The following GPC5 variants were observed in gnomAD, a reference collection of about 807,000 sequenced individuals.
GPC5 encodes glypican 5.
GPC5 carries 47 observed loss-of-function variants against 53.9 expected under a neutral mutation model. That is an observed-to-expected ratio of 0.87 (90% CI 0.69 to 1.11). The LOEUF is 1.11. Among genes scored for constraint, GPC5 ranks in the 50% most tolerant of loss-of-function variants. The pLI, the probability that GPC5 is intolerant of heterozygous loss-of-function variation, is 0.00. For synonymous variants in GPC5, 286 were observed against 263.3 expected, an observed-to-expected ratio of 1.09 and a Z score of -0.84; for missense variants, 748 against 713.1, an observed-to-expected ratio of 1.05 and a Z score of -0.56.
intron 7 of GPC5, among the ~76,000 whole-genome samples, chr13:92,264,193 A>G (rs1007146272): frequency 1.3e-5 from 2 of 152,182 alleles, no homozygotes; most frequent in Non-Finnish European, 2.9e-5. Flanking sequence ...AGTCTAAATT[A>G]TCAGGTCAGC....
At chr13:92,842,612 C>CA (rs1196970237) in intron 7 of GPC5, among the ~76,000 whole-genome samples, 5 of 148,572 alleles carry the variant, frequency 3.4e-5, no homozygotes, top group African/African-American at 1.2e-4. Flanking sequence ...ACTATAGACC[C>CA]AAAAAGAAAT....
chr13:91,869,999 G>A (rs12431259), intron 5 of GPC5, among the ~76,000 whole-genome samples: 7,968 of 152,206 alleles, frequency 0.052, 406 homozygotes, highest in East Asian at 0.22. Context: ...CATAAGGCTT[G>A]GGTGGAGACA....
chr13:92,348,745 T>C (rs1267708118), intron 7 of GPC5, among the ~76,000 whole-genome samples: 1 of 152,106 alleles, frequency 6.6e-6, no homozygotes, highest in African/African-American at 2.4e-5. Context: ...CACAATGGTA[T>C]AAAACTAGAA....
At chr13:92,214,134 T>A (rs998687684) in intron 7 of GPC5, among the ~76,000 whole-genome samples, 1 of 152,180 alleles carries the variant, frequency 6.6e-6, no homozygotes, top group African/African-American at 2.4e-5. Flanking sequence ...TTCCCAGCTG[T>A]TTTCTATCAT....
intron 2 of GPC5, among the ~76,000 whole-genome samples, chr13:91,561,781 G>A (rs764853348): frequency 2.6e-5 from 4 of 151,560 alleles, no homozygotes; most frequent in Non-Finnish European, 5.9e-5. Context: ...AATTAAATAT[G>A]CAATGTGGTC....
At chr13:91,511,921 A>C (rs183348594) in intron 2 of GPC5, among the ~76,000 whole-genome samples, 117 of 152,256 alleles carry the variant, frequency 7.7e-4, no homozygotes, top group African/African-American at 2.7e-3. Context: ...AAAAGAAACT[A>C]TATATAAAAG....
At chr13:91,691,090 T>A (rs895789349) in intron 2 of GPC5, among the ~76,000 whole-genome samples, 1 of 152,206 alleles carries the variant, frequency 6.6e-6, no homozygotes, top group African/African-American at 2.4e-5. Context: ...CCACAGAGAT[T>A]CAATTCCGTT....
intron 7 of GPC5, among the ~76,000 whole-genome samples, chr13:92,226,086 T>C (rs1034098877): frequency 1.3e-5 from 2 of 152,156 alleles, no homozygotes; most frequent in Non-Finnish European, 2.9e-5. Flanking sequence ...CTTAAGAGTG[T>C]GGCACTTCCC....
In GPC5 at chr13:91,685,926, T is replaced by A. The variant is rs564558316; in HGVS notation, c.326-7261T>A. On this transcript the variant is annotated intron_variant, in intron 2 of 7. Transcript: ENST00000377067. Reference sequence around the variant, plus strand: ...AAGAACCATGTTTTTGTGTATGAATTAACTAAAAAAAAAAAACAAAGAAAA... The same window carrying A: ...AAGAACCATGTTTTTGTGTATGAATAAACTAAAAAAAAAAAACAAAGAAAA... 1.4e-3 allele frequency among the ~76,000 whole-genome samples: 190 copies of A among 140,462 alleles called. 1 individual carries two copies. The highest frequency in any genetic ancestry group is 5.1e-3 in the African/African-American group (174 of 33,996). 92.1% of individuals were successfully genotyped at this position (140,462 alleles called of 152,430 possible).
chr13:92,503,733 C>CA (rs1251833961), intron 7 of GPC5, among the ~76,000 whole-genome samples: 1 of 151,786 alleles, frequency 6.6e-6, no homozygotes, highest in African/African-American at 2.4e-5. Flanking sequence ...GTCTGTATCA[C>CA]AAAAAATCCT....
At chr13:92,467,905 C>G (rs115784027) in intron 7 of GPC5, among the ~76,000 whole-genome samples, 2,232 of 152,128 alleles carry the variant, frequency 0.015, 48 homozygotes, top group African/African-American at 0.05. Flanking sequence ...GATGCACACA[C>G]AAGCTAGATT....
chr13:91,900,393 C>T (rs1245540885), intron 5 of GPC5, among the ~76,000 whole-genome samples: 1 of 152,052 alleles, frequency 6.6e-6, no homozygotes, highest in African/African-American at 2.4e-5. Flanking sequence ...GATTATCTAT[C>T]ATCATAAATC....
intron 2 of GPC5, among the ~76,000 whole-genome samples, chr13:91,628,813 G>C (rs2034080390): frequency 6.6e-6 from 1 of 152,152 alleles, no homozygotes; most frequent in Admixed American, 6.6e-5. Context: ...GTTCCATGGG[G>C]ATCTTGTTCT....
chr13:92,793,354 T>C (rs746483827), intron 7 of GPC5, among the ~76,000 whole-genome samples: 1 of 151,914 alleles, frequency 6.6e-6, no homozygotes, highest in African/African-American at 2.4e-5. Flanking sequence ...AAAGACAGAA[T>C]GTACTAGAAT....
chr13:91,985,218 C>T (rs1183686587), intron 6 of GPC5, among the ~76,000 whole-genome samples: 1 of 152,074 alleles, frequency 6.6e-6, no homozygotes, highest in Non-Finnish European at 1.5e-5. Context: ...CCAGTTTATT[C>T]TTGTAATATT....
chr13:91,705,141 T>C lies in GPC5; in HGVS notation c.1020+11260T>C, dbSNP rs531373247. Among the ~76,000 whole-genome samples, 7 of 152,282 alleles carry C rather than the reference T, an allele frequency of 4.6e-5. No homozygotes were observed. In the South Asian group the frequency reaches 6.2e-4, roughly 14 times the overall value. ...ACAACTAAGGAAGAAATAATAGGAA[T>C]TTTCAAAGTCTTCACATTTCAGGAA... On this transcript the variant is annotated intron_variant, in intron 3 of 7. Transcript: ENST00000377067.
intron 4 of GPC5, among the ~76,000 whole-genome samples, chr13:91,754,273 T>G (rs1314679494): frequency 6.6e-6 from 1 of 152,122 alleles, no homozygotes; most frequent in Non-Finnish European, 1.5e-5. Context: ...CAAATTTGAA[T>G]TTTAGAAAGT....
intron 7 of GPC5, among the ~76,000 whole-genome samples, chr13:92,650,508 A>G (rs1450525651): frequency 6.6e-6 from 1 of 152,182 alleles, no homozygotes; most frequent in Non-Finnish European, 1.5e-5. Flanking sequence ...TATGAATACT[A>G]GTACTAAGGC....
At chr13:91,740,069 AC>A (rs2036897333) in intron 4 of GPC5, among the ~76,000 whole-genome samples, 1 of 146,072 alleles carries the variant, frequency 6.8e-6, no homozygotes, top group Non-Finnish European at 1.5e-5. Flanking sequence ...AGCTGAGCCC[AC>A]ATCCCCACTT....
Sources: gnomAD v4.1 joint callset for allele counts (sites outside exome capture counted in the v4.1 genomes callset) on GRCh38, gnomAD v4.1.1 for gene constraint, MANE v1.5 for transcripts, NCBI Gene and HGNC (gene_info 2026-07-23, HGNC 2026-07-21) for gene names.